DDX23: variants seen among roughly 807,000 people sequenced by gnomAD.
The protein encoded by DDX23 is probable ATP-dependent RNA helicase DDX23.
Under a neutral mutation model 102.7 loss-of-function variants are expected in DDX23, and 33 were observed. The ratio of observed to expected loss-of-function variants is 0.32; its 90% CI spans 0.24 to 0.43. DDX23 has a LOEUF of 0.43. Among genes scored for constraint, DDX23 ranks in the 20% least tolerant of loss-of-function variants. DDX23 has a pLI of 1.00. For missense variants in DDX23, 549 were observed against 1,086.6 expected (o/e 0.51, Z 6.96); for synonymous variants, 352 against 376.0 (o/e 0.94, Z 0.74).
chr12:48,837,466 A>T (rs958506391), intron 7 of DDX23, 58 bp downstream of exon 7: 2 of 1,612,982 alleles, frequency 1.2e-6, no homozygotes, highest in East Asian at 4.5e-5. Context: ...ACAATGGCCA[A>T]ATAACTAAAC....
chr12:48,834,571 G>A lies in DDX23; in HGVS notation c.1383-74C>T, dbSNP rs559687418. 4.8e-6 allele frequency: 7 copies of A among 1,452,976 alleles called. No homozygotes were observed. In the East Asian group the frequency reaches 1.6e-4, roughly 33 times the overall value. 90.0% of individuals were successfully genotyped at this position (1,452,976 alleles called of 1,614,324 possible). On this transcript the variant is annotated intron_variant, in intron 11 of 16. Coordinates refer to ENST00000308025, the MANE Select transcript of DDX23 (RefSeq NM_004818.3). Reference sequence around the variant, plus strand: ...CAACCACAAGCCAGAGCAAGACAAAGTCACTCTTACGGGGAGCAATGGGAA... The same window carrying A: ...CAACCACAAGCCAGAGCAAGACAAAATCACTCTTACGGGGAGCAATGGGAA...
rs1938465267 is a variant in DDX23 at position 48,836,108 on chromosome 12, T to A, written c.1382+13A>T. Reference sequence around the variant, plus strand: ...CAGACAAACCCACTCCAGCTGGTGCTAGCTGACCTCACCTGTCAATTTTGG... The same window carrying A: ...CAGACAAACCCACTCCAGCTGGTGCAAGCTGACCTCACCTGTCAATTTTGG... On this transcript the variant is annotated intron_variant, in intron 11 of 16. Coordinates refer to ENST00000308025, the MANE Select transcript of DDX23 (RefSeq NM_004818.3). The surrounding 1 kb of genome is among the most constrained non-coding windows in gnomAD (Gnocchi z 6.1). 2.5e-6 allele frequency: 4 copies of A among 1,612,084 alleles called. No homozygotes were observed. Among genetic ancestry groups the A allele is most frequent in the Non-Finnish European group, 3.4e-6 (4 of 1,179,494 alleles).
chr12:48,837,299 G>T lies in DDX23; in HGVS notation c.848C>A (p.Ser283Tyr). ...VFEWDASEDT[S>Y]IDYNPLYKER... is the part of the protein sequence containing the mutation. Reference sequence around the variant, plus strand: ...CACTCACAGGGGGTTGTAGTCAATGGATGTGTCCTCAGATGCATCCCACTC... The same window carrying T: ...CACTCACAGGGGGTTGTAGTCAATGTATGTGTCCTCAGATGCATCCCACTC... Residue 283 changes from serine (S) to tyrosine (Y), a missense_variant, in exon 8 of 17, where the codon TCC (serine) becomes TAC (tyrosine). Around this residue, in one of 4 missense-constraint regions of DDX23, gnomAD observed 270 missense variants for 707.0 expected, o/e 0.38. Coordinates refer to ENST00000308025, the MANE Select transcript of DDX23 (RefSeq NM_004818.3). 1 of 1,614,104 alleles carries T rather than the reference G, an allele frequency of 6.2e-7. No homozygotes were observed. The highest frequency in any genetic ancestry group is 8.5e-7 in the Non-Finnish European group (1 of 1,179,992).
At chr12:48,849,611 A>G (rs542489927) in intron 1 of DDX23, among the ~76,000 whole-genome samples, 1 of 151,436 alleles carries the variant, frequency 6.6e-6, no homozygotes, top group East Asian at 1.9e-4. Context: ...GTGAGCCGAG[A>G]TAGTGCCACT....
chr12:48,831,176 C>A lies in DDX23; in HGVS notation c.2205G>T (p.Met735Ile). ...TTTTGGCCATATCATAGTTGACAAC[C>A]ATAGACACATCTTGGATGTCAATAC... ...GRGIDIQDVS[M>I]VVNYDMAKNI... is the part of the protein sequence containing the mutation. Residue 735 changes from methionine (M) to isoleucine (I), a missense_variant, in exon 16 of 17, where the codon ATG becomes ATT. Physicochemically the swap from Met to Ile is conservative, Grantham distance 10. Coordinates refer to ENST00000308025, the MANE Select transcript of DDX23 (RefSeq NM_004818.3). The A allele has an allele frequency of 6.2e-7, 1 of 1,614,208 alleles. No homozygotes were observed. Among genetic ancestry groups the A allele is most frequent in the Non-Finnish European group, 8.5e-7 (1 of 1,180,048 alleles).
In DDX23 at chr12:48,837,608, C is replaced by G. The variant is rs751038212; in HGVS notation, c.669G>C (p.Arg223=). The G allele has an allele frequency of 1.2e-6, 2 of 1,614,170 alleles. No homozygotes were observed. Among genetic ancestry groups the G allele is most frequent in the Admixed American group, 3.3e-5 (2 of 60,016 alleles). The change falls in exon 7 of 17, where the codon CGG becomes CGC. Residue 223 remains arginine, a synonymous_variant. Coordinates refer to ENST00000308025, the MANE Select transcript of DDX23 (RefSeq NM_004818.3). ...ERRERRERME[R]ETNGNEDEEG... ...CCTCATCCTCATTTCCATTGGTCTC[C>G]CGTTCCATCCTCTCCCTGCGTTCCC...
chr12:48,834,883 G>A, intron 11 of DDX23: 1 of 182,884 alleles, frequency 5.5e-6, no homozygotes, highest in Non-Finnish European at 1.2e-5. Flanking sequence ...GCAGTGAGCT[G>A]AGATCACGCC....
intron 5 of DDX23, among the ~76,000 whole-genome samples, chr12:48,839,186 T>C (rs1313745750): frequency 6.6e-6 from 1 of 151,470 alleles, no homozygotes; most frequent in East Asian, 2.0e-4. Context: ...AAAATTCCTA[T>C]GTGGAAGCCC....
intron 3 of DDX23, among the ~76,000 whole-genome samples, chr12:48,840,480 G>A (rs1938531921): frequency 6.6e-6 from 1 of 151,996 alleles, no homozygotes. Context: ...AGACCAGCCT[G>A]GCCAACATGG....
In DDX23 at chr12:48,834,391, T is replaced by C; in HGVS notation, c.1489A>G (p.Ile497Val). ...ETIKFGKPLG[I>V]RTVAVIGGIS... is the part of the protein sequence containing the mutation. ...CCACCAATGACAGCCACAGTGCGGA[T>C]ACCTAGCGGTTTCCCAAACTTGATG... Residue 497 changes from isoleucine to valine, a missense_variant, in exon 12 of 17, where the codon ATC becomes GTC. Physicochemically the swap from Ile to Val is conservative, Grantham distance 29 (BLOSUM62 3). This residue lies in a region of DDX23 where 270 missense variants were observed against 707.0 expected (regional missense o/e 0.38). Transcript: ENST00000308025. 1 of 1,614,188 alleles carries C rather than the reference T, an allele frequency of 6.2e-7. No individual in the cohort carries two copies. Among genetic ancestry groups the C allele is most frequent in the Middle Eastern group, 1.6e-4 (1 of 6,062 alleles).
intron 13 of DDX23, 129 bp downstream of exon 13, chr12:48,833,148 C>A: frequency 7.1e-7 from 1 of 1,407,466 alleles, no homozygotes; most frequent in South Asian, 1.4e-5. Context: ...CAATGCCCAG[C>A]TAATTTTTTA....
rs1183844284 is a variant in DDX23 at position 48,845,586 on chromosome 12, T to TTGGAAC, written c.191_196dup (p.Ser65_Lys66insSerSer). 6.2e-7 allele frequency: 1 copy of TTGGAAC among 1,614,122 alleles called. No homozygotes were observed. Among genetic ancestry groups the TTGGAAC allele is most frequent in the Non-Finnish European group, 8.5e-7 (1 of 1,180,044 alleles). The stretch of plus-strand genomic sequence containing the variant: ...AAAGTTACTTTACCTTTCTGCAGAT[T>TTGGAAC]TGGAACGGGAACGAGAGCGAGAACG... On this transcript the variant is annotated inframe_insertion, in exon 2 of 17. Coordinates refer to ENST00000308025, the MANE Select transcript of DDX23 (RefSeq NM_004818.3).
intron 11 of DDX23, chr12:48,835,036 G>A (rs1938447410): frequency 6.3e-6 from 1 of 158,544 alleles, no homozygotes; most frequent in African/African-American, 2.4e-5. Context: ...CTTGAGCCCA[G>A]GAGTTTGAGA....
At chr12:48,837,779 G>A in intron 6 of DDX23, 122 bp from the exon 7 acceptor site, 5 of 1,533,244 alleles carry the variant, frequency 3.3e-6, no homozygotes, top group Middle Eastern at 1.8e-4. Flanking sequence ...ATGATATGGG[G>A]TAAATGGAGA....
chr12:48,834,564 A>T (rs540034190), intron 11 of DDX23, 67 bp from the exon 12 acceptor site: 1 of 1,481,208 alleles, frequency 6.8e-7, no homozygotes, highest in African/African-American at 1.4e-5. Context: ...AGCCAGAGCA[A>T]GACAAAGTCA....
In DDX23 at chr12:48,830,166, A is replaced by G. The variant is rs764404098; in HGVS notation, c.*303T>C. The G allele has an allele frequency of 7.4e-6, 4 of 542,064 alleles. No homozygotes were observed. The highest frequency in any genetic ancestry group is 6.1e-5 in the South Asian group (4 of 65,178). The allele number at this position is 542,064 out of a possible 1,614,324, so 33.6% of individuals were successfully genotyped here. A position where few individuals can be genotyped will look rare whatever the true frequency, so the allele number is the denominator to read the frequency against. ...TCTGTTCAGTCTGGGGAGCAATGCC[A>G]ACTGGCTGCCCCCATAGCCTGGCAT... On this transcript the variant is annotated 3_prime_UTR_variant, in exon 17 of 17. Coordinates refer to ENST00000308025, the MANE Select transcript of DDX23 (RefSeq NM_004818.3). The surrounding 1 kb of genome is among the most constrained non-coding windows in gnomAD (Gnocchi z 4.9).
chr12:48,845,051 C>G (rs943882893), intron 2 of DDX23, among the ~76,000 whole-genome samples: 15 of 150,916 alleles, frequency 9.9e-5, no homozygotes, highest in Non-Finnish European at 2.9e-5. Flanking sequence ...ATTCGGGAGG[C>G]TGAGGCAGGA....
Position 48,837,966 on chromosome 12 carries a change from G to C in DDX23, c.595C>G (p.Gln199Glu). 1 of 1,613,236 alleles carries C rather than the reference G, an allele frequency of 6.2e-7. No individual in the cohort carries two copies. Among genetic ancestry groups the C allele is most frequent in the Non-Finnish European group, 8.5e-7 (1 of 1,180,018 alleles). ...EEERKKRKQF[Q>E]DLGRKMLEDP... ...CCCAACATCTTCCTGCCCAAGTCTT[G>C]GAACTGTTTCCTTTTCTTCCTCTCT... Residue 199 changes from glutamine to glutamate, a missense_variant, in exon 6 of 17, where the codon CAA (glutamine) becomes GAA (glutamate). By Grantham distance (29) the Gln-to-Glu change is conservative. Around this residue, in one of 4 missense-constraint regions of DDX23, gnomAD observed 241 missense variants for 267.0 expected, o/e 0.90. Coordinates refer to ENST00000308025, the MANE Select transcript of DDX23 (RefSeq NM_004818.3).
chr12:48,839,705 T>A (rs1480008928), intron 5 of DDX23, 139 bp downstream of exon 5: 6 of 787,696 alleles, frequency 7.6e-6, no homozygotes, highest in South Asian at 1.8e-5. Context: ...TCAGAAGAAA[T>A]AACCCTGCTG....
Sources: allele counts gnomAD v4.1 joint callset (sites outside exome capture counted in the v4.1 genomes callset), GRCh38; gene constraint gnomAD v4.1.1; regional missense constraint gnomAD v4.1.1; non-coding constraint Gnocchi (gnomAD v3.1); transcripts MANE v1.5; gene names NCBI Gene and HGNC (gene_info 2026-07-23, HGNC 2026-07-21).